The following KIF20B variants were observed in gnomAD, a reference collection of about 807,000 sequenced individuals.
KIF20B encodes kinesin family member 20B.
KIF20B carries 188 observed loss-of-function variants against 232.5 expected under a neutral mutation model. The observed-to-expected ratio is 0.81, with a 90% CI of 0.72 to 0.91. The LOEUF is 0.91. Ranked by LOEUF, KIF20B falls within the 40% of genes least tolerant of loss-of-function variation. The pLI, the probability that KIF20B is intolerant of heterozygous loss-of-function variation, is 0.00. For missense variants in KIF20B, 2,154 were observed against 2,055.9 expected, an observed-to-expected ratio of 1.05 and a Z score of -0.92; for synonymous variants, 712 against 683.0, an observed-to-expected ratio of 1.04 and a Z score of -0.66.
chr10:89,708,254 C>T (rs554121961), intron 2 of KIF20B, among the ~76,000 whole-genome samples: 1 of 151,464 alleles, frequency 6.6e-6, no homozygotes, highest in South Asian at 2.1e-4. Context: ...TCTTGTTGCC[C>T]AGGCTGGAGT....
At chr10:89,772,215 TG>T in intron 31 of KIF20B, among the ~76,000 whole-genome samples, 1 of 152,200 alleles carries the variant, frequency 6.6e-6, no homozygotes, top group South Asian at 2.1e-4. Flanking sequence ...GTTAACAGTT[TG>T]GTTTCTCTCC....
chr10:89,751,154 T>C (rs1842013761), intron 23 of KIF20B, among the ~76,000 whole-genome samples, 192 bp from the exon 24 acceptor site: 2 of 152,148 alleles, frequency 1.3e-5, no homozygotes, highest in Non-Finnish European at 2.9e-5. Flanking sequence ...CAAATATATA[T>C]TTAGTATGTC....
intron 25 of KIF20B, among the ~76,000 whole-genome samples, chr10:89,753,224 A>G (rs1480110736): frequency 6.6e-6 from 1 of 152,114 alleles, no homozygotes; most frequent in African/African-American, 2.4e-5. Flanking sequence ...GGATTTACCA[A>G]ATACTATTTC....
rs1842964480 is a variant in KIF20B at position 89,717,726 on chromosome 10, AGT to A, written c.1271+7_1271+8del. On this transcript the variant is annotated splice_donor_5th_base_variant and intron_variant, in intron 11 of 32. Transcript: ENST00000371728. ...TGAAGAATAGTGAAAAGTCAAAGTA[AGT>A]GTTTCTGAAAGTGTTATTAGCATAT... The A allele has an allele frequency of 6.3e-7, 1 of 1,578,240 alleles. No homozygotes were observed. Among genetic ancestry groups the A allele is most frequent in the Non-Finnish European group, 8.6e-7 (1 of 1,163,090 alleles).
At chr10:89,750,706 A>T (rs984296264) in intron 23 of KIF20B, among the ~76,000 whole-genome samples, 1 of 152,132 alleles carries the variant, frequency 6.6e-6, no homozygotes, top group African/African-American at 2.4e-5. Context: ...GGGTTAATAT[A>T]TAGTTGCTTA....
At chr10:89,713,695 G>A (rs1842879570) in intron 6 of KIF20B, among the ~76,000 whole-genome samples, 1 of 152,076 alleles carries the variant, frequency 6.6e-6, no homozygotes, top group Admixed American at 6.6e-5. Context: ...GAATAATTAA[G>A]TCATTTCACA....
At chr10:89,764,025 T>C (rs1348129771) in intron 29 of KIF20B, among the ~76,000 whole-genome samples, 1 of 149,954 alleles carries the variant, frequency 6.7e-6, no homozygotes, top group African/African-American at 2.5e-5. Context: ...TAGGTATATC[T>C]CCTAATGCCA....
At chr10:89,715,289 T>A in intron 8 of KIF20B, 107 bp downstream of exon 8, 3 of 689,610 alleles carry the variant, frequency 4.4e-6, no homozygotes, top group South Asian at 1.8e-5. Context: ...TAATGCTAAT[T>A]ATTAACATTA....
intron 13 of KIF20B, 162 bp from the exon 14 acceptor site, chr10:89,723,802 C>T (rs1165730427): frequency 2.0e-5 from 13 of 642,684 alleles, no homozygotes; most frequent in Non-Finnish European, 2.7e-5. Context: ...GTTAACAAAT[C>T]TTTGCAAACA....
At chr10:89,765,440 C>T (rs1420118160) in intron 29 of KIF20B, among the ~76,000 whole-genome samples, 12 of 152,060 alleles carry the variant, frequency 7.9e-5, no homozygotes, top group South Asian at 6.2e-4. Context: ...GAATCAATAT[C>T]GTGAAAATGG....
Position 89,772,648 on chromosome 10 carries a change from G to A in KIF20B, c.5243-41G>A, listed in dbSNP as rs755717834. ...GGATTTCAAATCACCTTTGCAATTAGAAAATTATTTCAGGAACTAATTAAC... is the reference window on the plus strand; with the variant it reads ...GGATTTCAAATCACCTTTGCAATTAAAAAATTATTTCAGGAACTAATTAAC... On this transcript the variant is annotated intron_variant, in intron 31 of 32. Transcript: ENST00000371728. The A allele has an allele frequency of 1.4e-5, 18 of 1,329,218 alleles. No individual in the cohort carries two copies. The African/African-American group carries it at 2.7e-4, about 20-fold the overall frequency. 82.3% of individuals were successfully genotyped at this position (1,329,218 alleles called of 1,614,324 possible). A position where few individuals can be genotyped will look rare whatever the true frequency, so the allele number is the denominator to read the frequency against.
At chr10:89,719,740 C>T in intron 13 of KIF20B, 34 bp downstream of exon 13, 1 of 1,485,690 alleles carries the variant, frequency 6.7e-7, no homozygotes, top group Non-Finnish European at 9.1e-7. Flanking sequence ...CTATGCTTGT[C>T]TTCTTATTCT....
At position 89,725,070 on chromosome 10, in the gene KIF20B, G is replaced by T; in HGVS notation, c.1913G>T (p.Arg638Leu). Residue 638 changes from arginine (R) to leucine (L), a missense_variant, in exon 15 of 33, where the codon CGT becomes CTT. By Grantham distance (102) the Arg-to-Leu change is moderately radical (BLOSUM62 -2). Coordinates refer to ENST00000371728, the MANE Select transcript of KIF20B (RefSeq NM_001284259.2). ...ATATTAGAAGAAAATGCTGAACGTC[G>T]TTTGGCTATCTTCAAGGATTTGGTT... is the stretch of plus-strand genomic sequence containing the variant. ...REILEENAER[R>L]LAIFKDLVGK... 1 of 1,613,800 alleles carries T rather than the reference G, an allele frequency of 6.2e-7. No homozygotes were observed. Among genetic ancestry groups the T allele is most frequent in the Non-Finnish European group, 8.5e-7 (1 of 1,179,806 alleles).
chr10:89,751,266 A>G, intron 23 of KIF20B, 80 bp from the exon 24 acceptor site: 1 of 1,153,096 alleles, frequency 8.7e-7, no homozygotes, highest in Non-Finnish European at 1.2e-6. Flanking sequence ...ATAAAAATGT[A>G]TTTTAATTTT....
chr10:89,758,330 T>C (rs1398646181), intron 26 of KIF20B, among the ~76,000 whole-genome samples: 1 of 152,048 alleles, frequency 6.6e-6, no homozygotes, highest in African/African-American at 2.4e-5. Context: ...TTGAACCTAT[T>C]GTAAATGGTC....
intron 23 of KIF20B, among the ~76,000 whole-genome samples, chr10:89,747,880 GTATAAT>G (rs1841949257): frequency 7.8e-6 from 1 of 128,980 alleles, no homozygotes; most frequent in Non-Finnish European, 1.6e-5. Context: ...AAAACTTAAA[GTATAAT>G]AATAATAATA....
chr10:89,703,755 CTTTTTT>C (rs68124594), intron 1 of KIF20B, among the ~76,000 whole-genome samples: 11 of 137,534 alleles, frequency 8.0e-5, no homozygotes, highest in East Asian at 2.2e-4. Context: ...AGGCTTTTCC[CTTTTTT>C]TTTTTTTTTT....
chr10:89,737,275 T>A (rs1489247111), intron 19 of KIF20B, 112 bp from the exon 20 acceptor site: 11 of 1,086,772 alleles, frequency 1.0e-5, no homozygotes, highest in South Asian at 3.9e-5. Context: ...TTTTTTTTTT[T>A]AATTAGAAGT....
chr10:89,768,957 A>G, intron 31 of KIF20B, 69 bp downstream of exon 31: 5 of 1,261,794 alleles, frequency 4.0e-6, no homozygotes, highest in Non-Finnish European at 5.5e-6. Context: ...CCTAATTGAT[A>G]TATAAACTCA....
Sources: allele counts gnomAD v4.1 joint callset (sites outside exome capture counted in the v4.1 genomes callset), GRCh38; gene constraint gnomAD v4.1.1; transcripts MANE v1.5; gene names NCBI Gene and HGNC (gene_info 2026-07-23, HGNC 2026-07-21).